The following LRRTM4 variants were observed in gnomAD, a reference collection of about 807,000 sequenced individuals.
LRRTM4 encodes the protein leucine rich repeat transmembrane neuronal 4.
In LRRTM4, 25 loss-of-function variants were observed where a neutral mutation model predicts 47.6. The observed-to-expected ratio is 0.53, with a 90% CI of 0.38 to 0.73. The LOEUF (loss-of-function observed/expected upper bound fraction) is 0.73. Among genes scored for constraint, LRRTM4 ranks in the 30% least tolerant of loss-of-function variants. LRRTM4 has a pLI of 0.00. For missense variants in LRRTM4, 638 were observed against 713.4 expected (o/e 0.89, Z 1.20); for synonymous variants, 311 against 269.5 (o/e 1.15, Z -1.51).
At chr2:77,010,545 C>CACACACACACACACACACACACACAG (rs370829024) in intron 3 of LRRTM4, among the ~76,000 whole-genome samples, 7 of 148,850 alleles carry the variant, frequency 4.7e-5, no homozygotes, top group African/African-American at 7.6e-5. Flanking sequence ...CACACACACA[C>CACACACACACACACACACACACACAG]AGTCTTTAAC....
At chr2:76,877,324 T>G (rs1672805392) in intron 3 of LRRTM4, among the ~76,000 whole-genome samples, 1 of 152,140 alleles carries the variant, frequency 6.6e-6, no homozygotes, top group Non-Finnish European at 1.5e-5. Flanking sequence ...AGTATATACA[T>G]TTTAAAAACA....
intron 3 of LRRTM4, among the ~76,000 whole-genome samples, chr2:77,344,334 A>G (rs1671483557): frequency 6.6e-6 from 1 of 151,864 alleles, no homozygotes; most frequent in African/African-American, 2.4e-5. Flanking sequence ...AAGGGTAAAC[A>G]CTCTTGAAAT....
chr2:76,856,119 C>A (rs1329944441), intron 3 of LRRTM4, among the ~76,000 whole-genome samples: 2 of 151,758 alleles, frequency 1.3e-5, no homozygotes, highest in African/African-American at 4.8e-5. Flanking sequence ...TCTACTAAAA[C>A]TACAAAATTT....
chr2:76,979,696 CGATAGATAGATAGATAGATA>C (rs71376811), intron 3 of LRRTM4, among the ~76,000 whole-genome samples: 5 of 146,452 alleles, frequency 3.4e-5, no homozygotes, highest in Non-Finnish European at 4.5e-5. Flanking sequence ...AGAGTATAAG[CGATAGATAGATAGATAGATA>C]GATAGATAGA....
intron 3 of LRRTM4, among the ~76,000 whole-genome samples, chr2:76,838,887 C>A (rs1365177920): frequency 6.6e-6 from 1 of 152,000 alleles, no homozygotes; most frequent in Non-Finnish European, 1.5e-5. Flanking sequence ...TATTTAAGGA[C>A]ACTGTTTTTA....
At chr2:76,756,783 G>A (rs1481265893) in intron 3 of LRRTM4, among the ~76,000 whole-genome samples, 3 of 151,998 alleles carry the variant, frequency 2.0e-5, no homozygotes, top group Non-Finnish European at 4.4e-5. Context: ...AAAATCTGCA[G>A]AAATAAGAAA....
chr2:77,137,774 A>C (rs1444866609), intron 3 of LRRTM4, among the ~76,000 whole-genome samples: 1 of 152,160 alleles, frequency 6.6e-6, no homozygotes, highest in Non-Finnish European at 1.5e-5. Context: ...AAAGGGATGG[A>C]GGAAGATCTA....
rs1351965531 is a variant in LRRTM4 at position 77,167,827 on chromosome 2, G to A, written c.1551+350491C>T. The stretch of plus-strand genomic sequence containing the variant: ...GGGATGGGGGAAGGTGGGAGGGATA[G>A]CGTTAGGAGATATACCTAATGTAAA... On this transcript the variant is annotated intron_variant, in intron 3 of 3. Coordinates refer to ENST00000409884, the MANE Select transcript of LRRTM4 (RefSeq NM_001134745.3). 3.9e-5 allele frequency among the ~76,000 whole-genome samples: 6 copies of A among 152,206 alleles called. No individual in the cohort carries two copies. The East Asian group carries it at 1.2e-3, about 29-fold the overall frequency.
chr2:76,761,777 GAATT>G (rs1673262959), intron 3 of LRRTM4, among the ~76,000 whole-genome samples: 2 of 152,214 alleles, frequency 1.3e-5, no homozygotes, highest in African/African-American at 2.4e-5. Context: ...AAAAGAAAAA[GAATT>G]AAAACCCCAA....
intron 3 of LRRTM4, among the ~76,000 whole-genome samples, chr2:77,131,982 G>A (rs901103279): frequency 6.6e-6 from 1 of 152,134 alleles, no homozygotes; most frequent in Admixed American, 6.6e-5. Flanking sequence ...ATAACCTCAA[G>A]TATTTATCAT....
chr2:77,410,229 AAG>A (rs1420888650), intron 3 of LRRTM4, among the ~76,000 whole-genome samples: 3 of 152,198 alleles, frequency 2.0e-5, no homozygotes, highest in African/African-American at 7.2e-5. Context: ...ATTCAGTAGA[AAG>A]AGAACCACCA....
intron 3 of LRRTM4, among the ~76,000 whole-genome samples, chr2:77,309,752 A>C (rs1327335013): frequency 6.6e-6 from 1 of 152,202 alleles, no homozygotes; most frequent in East Asian, 1.9e-4. Context: ...GGCTAAAAGC[A>C]CGAGAAATAT....
At chr2:76,965,938 G>T (rs560086521) in intron 3 of LRRTM4, among the ~76,000 whole-genome samples, 1 of 151,406 alleles carries the variant, frequency 6.6e-6, no homozygotes, top group South Asian at 2.1e-4. Flanking sequence ...TAACTGTAGG[G>T]GTTGATTGGA....
At chr2:77,478,793 T>C (rs1677535592) in intron 3 of LRRTM4, among the ~76,000 whole-genome samples, 1 of 152,226 alleles carries the variant, frequency 6.6e-6, no homozygotes. Context: ...GCCACAGATG[T>C]ATTCAGAGTT....
chr2:77,268,385 A>T (rs1180653709), intron 3 of LRRTM4, among the ~76,000 whole-genome samples: 2 of 151,830 alleles, frequency 1.3e-5, no homozygotes, highest in Non-Finnish European at 1.5e-5. Flanking sequence ...TTTCCTTTAT[A>T]CTTAATTCAC....
chr2:77,464,295 G>T (rs887501011), intron 3 of LRRTM4, among the ~76,000 whole-genome samples: 1 of 152,132 alleles, frequency 6.6e-6, no homozygotes, highest in African/African-American at 2.4e-5. Context: ...ACTTTCTATA[G>T]ATTTCTAAAT....
At chr2:76,754,530 C>A (rs1325210057) in intron 3 of LRRTM4, among the ~76,000 whole-genome samples, 1 of 152,094 alleles carries the variant, frequency 6.6e-6, no homozygotes, top group African/African-American at 2.4e-5. Flanking sequence ...ATCAAACATG[C>A]CTGATAGTTT....
intron 3 of LRRTM4, among the ~76,000 whole-genome samples, chr2:76,852,645 A>G (rs1672032601): frequency 6.6e-6 from 1 of 152,140 alleles, no homozygotes; most frequent in South Asian, 2.1e-4. Flanking sequence ...TTATTTATTA[A>G]TCTGTTCATA....
At position 76,855,692 on chromosome 2, in the gene LRRTM4, T is replaced by C. The variant is rs1409227847; in HGVS notation, c.1552-106776A>G. ...CTGAAAGCATATATGCAGATGAGTCTAGAGAGTGGGTCTGAGGGCATTAAT... is the reference window on the plus strand; with the variant it reads ...CTGAAAGCATATATGCAGATGAGTCCAGAGAGTGGGTCTGAGGGCATTAAT... On this transcript the variant is annotated intron_variant, in intron 3 of 3. Transcript: ENST00000409884. Among the ~76,000 whole-genome samples, 6 of 152,270 alleles carry C rather than the reference T, an allele frequency of 3.9e-5. No individual in the cohort carries two copies. In the South Asian group the frequency reaches 1.0e-3, roughly 26 times the overall value.
Sources: allele counts gnomAD v4.1 joint callset (sites outside exome capture counted in the v4.1 genomes callset), GRCh38; gene constraint gnomAD v4.1.1; transcripts MANE v1.5; gene names NCBI Gene and HGNC (gene_info 2026-07-23, HGNC 2026-07-21).